The following MACROD2 variants were observed in gnomAD, a reference collection of about 807,000 sequenced individuals.
MACROD2 encodes the protein mono-ADP ribosylhydrolase 2.
Under a neutral mutation model 70.4 loss-of-function variants are expected in MACROD2, and 36 were observed. That is an observed-to-expected ratio of 0.51 (90% CI 0.39 to 0.68). The LOEUF (loss-of-function observed/expected upper bound fraction) is 0.68. MACROD2 is among the 30% of genes least tolerant of loss of function. The pLI, the probability that MACROD2 is intolerant of heterozygous loss-of-function variation, is 0.00. For synonymous variants in MACROD2, 172 were observed against 178.8 expected, an observed-to-expected ratio of 0.96 and a Z score of 0.30; for missense variants, 496 against 538.4, an observed-to-expected ratio of 0.92 and a Z score of 0.78.
intron 4 of MACROD2, among the ~76,000 whole-genome samples, chr20:14,514,256 A>G (rs34366310): frequency 0.15 from 23,154 of 152,172 alleles, 2,523 homozygotes; most frequent in Non-Finnish European, 0.22. Flanking sequence ...ATTATCGCCA[A>G]GAAGCCCTTA....
intron 9 of MACROD2, among the ~76,000 whole-genome samples, chr20:15,883,148 G>T (rs1282758977): frequency 6.6e-6 from 1 of 152,006 alleles, no homozygotes; most frequent in Non-Finnish European, 1.5e-5. Flanking sequence ...ATGAGTGTTT[G>T]CCAGGTGAAT....
chr20:16,025,448 T>C (rs2067064711), intron 15 of MACROD2, among the ~76,000 whole-genome samples: 1 of 152,184 alleles, frequency 6.6e-6, no homozygotes, highest in Non-Finnish European at 1.5e-5. Flanking sequence ...ATAACAGCAG[T>C]CAAGACAAAA....
chr20:14,976,211 T>C (rs1007239047), intron 5 of MACROD2, among the ~76,000 whole-genome samples: 3 of 149,692 alleles, frequency 2.0e-5, no homozygotes, highest in Admixed American at 6.6e-5. Context: ...TTTAAAACAA[T>C]GCTAATTTGC....
intron 5 of MACROD2, among the ~76,000 whole-genome samples, chr20:14,724,329 C>T (rs1600589566): frequency 6.6e-6 from 1 of 152,066 alleles, no homozygotes; most frequent in Non-Finnish European, 1.5e-5. Context: ...TCCGTTTCAT[C>T]ACCTTTAAAA....
At chr20:15,253,882 T>C (rs2077176469) in intron 6 of MACROD2, among the ~76,000 whole-genome samples, 1 of 152,204 alleles carries the variant, frequency 6.6e-6, no homozygotes, top group Non-Finnish European at 1.5e-5. Flanking sequence ...AAAATTATTT[T>C]TTATCAAGGC....
At chr20:15,491,191 G>T (rs1414493816) in intron 7 of MACROD2, among the ~76,000 whole-genome samples, 11 of 152,130 alleles carry the variant, frequency 7.2e-5, no homozygotes, top group Non-Finnish European at 1.6e-4. Flanking sequence ...TGTGTGCCTG[G>T]ACTAGATGAC....
intron 8 of MACROD2, among the ~76,000 whole-genome samples, chr20:15,620,707 C>A (rs1405047038): frequency 3.9e-5 from 6 of 152,146 alleles, no homozygotes; most frequent in Admixed American, 3.9e-4. Flanking sequence ...AGAGAACCCA[C>A]CTTCTCAGAG....
At chr20:15,687,915 C>T (rs1040845404) in intron 8 of MACROD2, among the ~76,000 whole-genome samples, 1 of 152,122 alleles carries the variant, frequency 6.6e-6, no homozygotes, top group Non-Finnish European at 1.5e-5. Flanking sequence ...GTTATACACT[C>T]AGGTTTTTGA....
intron 6 of MACROD2, among the ~76,000 whole-genome samples, chr20:15,292,160 G>T (rs2146108720): frequency 6.6e-6 from 1 of 152,174 alleles, no homozygotes; most frequent in East Asian, 1.9e-4. Flanking sequence ...ACAGGTGTGA[G>T]CCACCATCCC....
At chr20:15,392,580 C>A (rs1851847422) in intron 6 of MACROD2, among the ~76,000 whole-genome samples, 1 of 152,008 alleles carries the variant, frequency 6.6e-6, no homozygotes, top group African/African-American at 2.4e-5. Flanking sequence ...TGCCTCTTTA[C>A]CAACAGGAAG....
intron 8 of MACROD2, among the ~76,000 whole-genome samples, chr20:15,540,440 G>A (rs1193951857): frequency 1.3e-5 from 2 of 152,158 alleles, no homozygotes; most frequent in Admixed American, 6.5e-5. Flanking sequence ...TGTGGCCAAG[G>A]AAGAGACTCT....
At chr20:15,230,086 T>G in intron 6 of MACROD2, 25 bp downstream of exon 6, 1 of 1,605,826 alleles carries the variant, frequency 6.2e-7, no homozygotes, top group Non-Finnish European at 8.5e-7. Context: ...GTTTTTTATT[T>G]CTCACTCTTT....
chr20:14,949,617 C>G (rs2074459432), intron 5 of MACROD2, among the ~76,000 whole-genome samples: 1 of 152,162 alleles, frequency 6.6e-6, no homozygotes, highest in Admixed American at 6.5e-5. Context: ...GTGAATTAGG[C>G]TCCTTTTGGA....
At chr20:15,563,322 C>A (rs2048269597) in intron 8 of MACROD2, among the ~76,000 whole-genome samples, 1 of 152,174 alleles carries the variant, frequency 6.6e-6, no homozygotes. Flanking sequence ...AACCCTCCTC[C>A]TAAAGCCTCT....
At chr20:15,324,511 A>C (rs907042776) in intron 6 of MACROD2, among the ~76,000 whole-genome samples, 3 of 152,136 alleles carry the variant, frequency 2.0e-5, no homozygotes, top group Non-Finnish European at 4.4e-5. Flanking sequence ...TGCCAAAAAC[A>C]TTGTCAACTC....
intron 3 of MACROD2, among the ~76,000 whole-genome samples, chr20:14,460,497 T>C (rs2084355834): frequency 6.6e-6 from 1 of 152,124 alleles, no homozygotes; most frequent in African/African-American, 2.4e-5. Context: ...CTTTTTTTCA[T>C]ATGTTTGTTG....
intron 8 of MACROD2, among the ~76,000 whole-genome samples, chr20:15,528,082 A>T (rs144812876): frequency 6.6e-6 from 1 of 152,192 alleles, no homozygotes; most frequent in Non-Finnish European, 1.5e-5. Flanking sequence ...ATATAGAGCA[A>T]TGTTTCTCAA....
intron 5 of MACROD2, among the ~76,000 whole-genome samples, chr20:14,979,672 A>T (rs1194224977): frequency 2.6e-5 from 4 of 152,214 alleles, no homozygotes; most frequent in Non-Finnish European, 2.9e-5. Context: ...TTTTTACCAA[A>T]TGCCAATCTG....
At chr20:15,902,711 G>T (rs774786783) in intron 10 of MACROD2, among the ~76,000 whole-genome samples, 19 of 152,052 alleles carry the variant, frequency 1.2e-4, no homozygotes, top group Non-Finnish European at 1.8e-4. Context: ...AGGAGCTGAG[G>T]CCCCCTGCTG....
Sources: gnomAD v4.1 joint callset for allele counts (sites outside exome capture counted in the v4.1 genomes callset) on GRCh38, gnomAD v4.1.1 for gene constraint, MANE v1.5 for transcripts, NCBI Gene and HGNC (gene_info 2026-07-23, HGNC 2026-07-21) for gene names.